Variants in WWC1 observed in about 807,000 individuals in gnomAD.
WWC1 encodes the protein protein KIBRA.
A neutral mutation model predicts 138.4 loss-of-function variants in WWC1; 55 were observed. The observed-to-expected ratio is 0.40, with a 90% CI of 0.32 to 0.50. The LOEUF (loss-of-function observed/expected upper bound fraction) is 0.50. Ranked by LOEUF, WWC1 falls within the 20% of genes least tolerant of loss-of-function variation. The probability of loss-of-function intolerance (pLI) is 0.72; values close to 1 mark genes in which losing one functional copy is unlikely to be tolerated. For synonymous variants in WWC1, 524 were observed against 564.9 expected, an observed-to-expected ratio of 0.93 and a Z score of 1.03; for missense variants, 1,226 against 1,420.4, an observed-to-expected ratio of 0.86 and a Z score of 2.20.
chr5:168,345,296 G>T (rs1290208790), intron 1 of WWC1, among the ~76,000 whole-genome samples: 4 of 152,116 alleles, frequency 2.6e-5, no homozygotes, highest in Non-Finnish European at 5.9e-5. Context: ...ATAGAGACAG[G>T]GTTTTGCCAT....
chr5:168,382,292 G>A (rs772546351), intron 2 of WWC1, among the ~76,000 whole-genome samples: 22 of 152,172 alleles, frequency 1.4e-4, no homozygotes, highest in African/African-American at 4.6e-4. Context: ...ATATATAGGC[G>A]TGTATGTGTA....
At chr5:168,399,450 C>G in intron 4 of WWC1, 38 bp from the exon 5 acceptor site, 1 of 1,611,862 alleles carries the variant, frequency 6.2e-7, no homozygotes, top group Non-Finnish European at 8.5e-7. Flanking sequence ...TGGTGTCAGC[C>G]TCTGACCCAG....
chr5:168,426,837 G>A (rs1306328704), intron 11 of WWC1, among the ~76,000 whole-genome samples: 2 of 152,230 alleles, frequency 1.3e-5, no homozygotes, highest in Non-Finnish European at 1.5e-5. Context: ...TTAGCTGTGA[G>A]GTTGTAAGAT....
chr5:168,297,537 A>T (rs1655494283), intron 1 of WWC1, among the ~76,000 whole-genome samples: 1 of 151,828 alleles, frequency 6.6e-6, no homozygotes, highest in South Asian at 2.1e-4. Flanking sequence ...GAGGCAGGAG[A>T]ATCGCTTGAA....
rs528504369 is a variant in WWC1, at chr5:168,471,442, T to C, written c.*2425T>C. On this transcript the variant is annotated 3_prime_UTR_variant, in exon 23 of 23. Coordinates refer to ENST00000265293, the MANE Select transcript of WWC1 (RefSeq NM_015238.3). The stretch of plus-strand genomic sequence containing the variant: ...TCAATCAACACCTTCCCCAACTCAA[T>C]TGTACTAGGTTGTAGAGCACAAGGA... 1 of 152,372 alleles carries C rather than the reference T, an allele frequency of 6.6e-6. No individual in the cohort carries two copies. Among genetic ancestry groups the C allele is most frequent in the East Asian group, 1.9e-4 (1 of 5,190 alleles). The allele number at this position is 152,372 out of a possible 1,614,324, so 9.4% of individuals were successfully genotyped here.
chr5:168,415,708 C>T (rs1780550070), intron 9 of WWC1: 1 of 143,374 alleles, frequency 7.0e-6, no homozygotes, highest in African/African-American at 2.6e-5. Context: ...TAGTTATTTT[C>T]ACCATTTTTT....
chr5:168,298,596 CTAGGA>C (rs1454935168), intron 1 of WWC1, among the ~76,000 whole-genome samples: 1 of 152,018 alleles, frequency 6.6e-6, no homozygotes, highest in African/African-American at 2.4e-5. Flanking sequence ...TTTAAAAACA[CTAGGA>C]TAGATAATAG....
intron 1 of WWC1, among the ~76,000 whole-genome samples, chr5:168,338,619 G>T (rs1773714601): frequency 6.6e-6 from 1 of 151,930 alleles, no homozygotes; most frequent in Non-Finnish European, 1.5e-5. Context: ...CTCCATGTTG[G>T]TCAGGCTGGT....
chr5:168,339,320 G>T (rs1342475236), intron 1 of WWC1, among the ~76,000 whole-genome samples: 1 of 152,158 alleles, frequency 6.6e-6, no homozygotes, highest in African/African-American at 2.4e-5. Flanking sequence ...GAGGGAGGGA[G>T]CTCTTCCTTC....
intron 3 of WWC1, among the ~76,000 whole-genome samples, chr5:168,392,418 C>T (rs1399829893): frequency 7.2e-5 from 11 of 152,134 alleles, no homozygotes; most frequent in South Asian, 2.1e-4. Flanking sequence ...TGTGGCCAGG[C>T]GCTCATGCCT....
chr5:168,339,204 G>C (rs567472394), intron 1 of WWC1, among the ~76,000 whole-genome samples: 23 of 152,284 alleles, frequency 1.5e-4, no homozygotes, highest in African/African-American at 5.3e-4. Context: ...CCTCAGCAGG[G>C]GTAAGGACAA....
intron 1 of WWC1, among the ~76,000 whole-genome samples, chr5:168,299,167 C>T (rs1769832344): frequency 1.3e-5 from 2 of 151,846 alleles, no homozygotes; most frequent in Admixed American, 1.3e-4. Flanking sequence ...TGGATTCTTG[C>T]ATCTACACTC....
intron 2 of WWC1, among the ~76,000 whole-genome samples, chr5:168,377,981 T>C (rs138596498): frequency 1.1e-3 from 161 of 152,332 alleles, no homozygotes; most frequent in African/African-American, 3.7e-3. Flanking sequence ...CACTCATATG[T>C]TCATCACAGT....
intron 19 of WWC1, among the ~76,000 whole-genome samples, chr5:168,458,560 C>T (rs1258141350): frequency 6.6e-6 from 1 of 152,186 alleles, no homozygotes; most frequent in Non-Finnish European, 1.5e-5. Context: ...ACCCTTCCTA[C>T]AGCTCTCCTC....
At chr5:168,462,684 A>C (rs1362730972) in intron 20 of WWC1, among the ~76,000 whole-genome samples, 1 of 152,132 alleles carries the variant, frequency 6.6e-6, no homozygotes, top group African/African-American at 2.4e-5. Context: ...AGAATGACTT[A>C]ATAAGGGAGC....
chr5:168,358,027 G>C (rs556455164), intron 1 of WWC1, among the ~76,000 whole-genome samples: 12 of 152,334 alleles, frequency 7.9e-5, no homozygotes, highest in African/African-American at 2.9e-4. Flanking sequence ...ATCTGAGTGT[G>C]CAAACACTTG....
chr5:168,328,661 C>T (rs1772771676), intron 1 of WWC1, among the ~76,000 whole-genome samples: 1 of 152,156 alleles, frequency 6.6e-6, no homozygotes. Flanking sequence ...ATTCTTCTGC[C>T]TCAGCCTCCC....
At chr5:168,420,531 G>A (rs1781008816) in intron 9 of WWC1, among the ~76,000 whole-genome samples, 1 of 152,102 alleles carries the variant, frequency 6.6e-6, no homozygotes, top group African/African-American at 2.4e-5. Context: ...CAGAACAGAT[G>A]GTAATCTCAT....
chr5:168,338,034 G>A (rs1773642979), intron 1 of WWC1, among the ~76,000 whole-genome samples: 1 of 152,182 alleles, frequency 6.6e-6, no homozygotes, highest in Non-Finnish European at 1.5e-5. Flanking sequence ...GGGAAGGCCA[G>A]GCGCAGGGGC....
Sources: allele counts gnomAD v4.1 joint callset (sites outside exome capture counted in the v4.1 genomes callset), GRCh38; gene constraint gnomAD v4.1.1; transcripts MANE v1.5; gene names NCBI Gene and HGNC (gene_info 2026-07-23, HGNC 2026-07-21).